PABPC4L: variants seen among roughly 807,000 people sequenced by gnomAD.
PABPC4L encodes the protein poly(A) binding protein cytoplasmic 4 like.
For synonymous variants in PABPC4L, 169 were observed against 164.1 expected, an observed-to-expected ratio of 1.03 and a Z score of -0.23; for missense variants, 452 against 451.4, an observed-to-expected ratio of 1.00 and a Z score of -0.01.
chr4:134,160,860 A>T, the PABPC4L span, among the ~76,000 whole-genome samples: 2 of 151,956 alleles, frequency 1.3e-5, no homozygotes, highest in African/African-American at 4.8e-5. Context: ...AAAAAGTAAA[A>T]TCAAAAAAAT....
the PABPC4L span, among the ~76,000 whole-genome samples, chr4:134,084,289 C>G: frequency 1.3e-5 from 2 of 152,092 alleles, no homozygotes; most frequent in South Asian, 2.1e-4. Flanking sequence ...TCAAGCAATC[C>G]TCCCTCCTCA....
chr4:134,069,315 T>G, the PABPC4L span, among the ~76,000 whole-genome samples: 1 of 152,168 alleles, frequency 6.6e-6, no homozygotes, highest in Admixed American at 6.5e-5. Flanking sequence ...ATGATCATGT[T>G]GTATAGTATC....
At chr4:133,970,553 C>G in the PABPC4L span, among the ~76,000 whole-genome samples, 1 of 152,138 alleles carries the variant, frequency 6.6e-6, no homozygotes, top group African/African-American at 2.4e-5. Context: ...TTATTTTTCC[C>G]TCTTTCTTTC....
the PABPC4L span, among the ~76,000 whole-genome samples, chr4:134,019,128 G>C: frequency 6.6e-6 from 1 of 152,134 alleles, no homozygotes; most frequent in Non-Finnish European, 1.5e-5. Context: ...ATATGGCTTA[G>C]AGGATAATTA....
chr4:134,025,302 T>C, the PABPC4L span, among the ~76,000 whole-genome samples: 7 of 99,300 alleles, frequency 7.0e-5, no homozygotes, highest in African/African-American at 2.9e-4. Flanking sequence ...CGAGAATTCA[T>C]CTCAAAAAAA....
chr4:133,986,543 A>C, the PABPC4L span, among the ~76,000 whole-genome samples: 1 of 152,172 alleles, frequency 6.6e-6, no homozygotes, highest in African/African-American at 2.4e-5. Context: ...AATGTCAATG[A>C]TCTAAACACC....
the PABPC4L span, among the ~76,000 whole-genome samples, chr4:134,122,736 T>A: frequency 6.6e-6 from 1 of 151,878 alleles, no homozygotes; most frequent in Admixed American, 6.6e-5. Flanking sequence ...TGATTATTAA[T>A]ACAAATAAAA....
At chr4:134,124,884 G>A in the PABPC4L span, among the ~76,000 whole-genome samples, 694 of 152,160 alleles carry the variant, frequency 4.6e-3, 9 homozygotes, top group African/African-American at 0.016. Flanking sequence ...GGTACTGATA[G>A]TGAAGGGCTG....
the PABPC4L span, among the ~76,000 whole-genome samples, chr4:134,067,444 G>A: frequency 6.6e-6 from 1 of 151,906 alleles, no homozygotes; most frequent in African/African-American, 2.4e-5. Context: ...CTAGCTAATG[G>A]TCTACCTGTC....
chr4:134,147,144 T>C, the PABPC4L span, among the ~76,000 whole-genome samples: 7 of 152,182 alleles, frequency 4.6e-5, no homozygotes, highest in Non-Finnish European at 7.3e-5. Context: ...TTGGGCTGTT[T>C]ATTTCATTCA....
chr4:134,146,008 G>C, the PABPC4L span, among the ~76,000 whole-genome samples: 3 of 151,906 alleles, frequency 2.0e-5, no homozygotes, highest in African/African-American at 7.2e-5. Flanking sequence ...GGACAAGTCA[G>C]TATCTATCCT....
the PABPC4L span, among the ~76,000 whole-genome samples, chr4:134,161,154 T>G: frequency 6.6e-6 from 1 of 151,508 alleles, no homozygotes; most frequent in African/African-American, 2.4e-5. Flanking sequence ...ACCTTAAAAA[T>G]GCATCAGAGT....
the PABPC4L span, among the ~76,000 whole-genome samples, chr4:134,061,335 A>C: frequency 6.6e-6 from 1 of 152,016 alleles, no homozygotes. Context: ...GGGCTCAAAG[A>C]TACACTCTTA....
chr4:134,193,669 T>C (rs1729576582), downstream of PABPC4L, among the ~76,000 whole-genome samples: 1 of 151,958 alleles, frequency 6.6e-6, no homozygotes, highest in Non-Finnish European at 1.5e-5. Context: ...TAATCTAGTC[T>C]GGTTTGGATG....
At chr4:134,193,141 TA>T (rs1397022383), downstream of PABPC4L, among the ~76,000 whole-genome samples, 2 of 152,082 alleles carry the variant, frequency 1.3e-5, no homozygotes, top group Non-Finnish European at 2.9e-5. Context: ...ATGCACTTTG[TA>T]AGCCAATACC....
At chr4:134,121,783 T>A in the PABPC4L span, among the ~76,000 whole-genome samples, 3 of 151,826 alleles carry the variant, frequency 2.0e-5, no homozygotes, top group Admixed American at 1.3e-4. Flanking sequence ...TCTTTGTGGT[T>A]ACCTTTTCTA....
chr4:134,181,096 A>G, the PABPC4L span, among the ~76,000 whole-genome samples: 1 of 152,018 alleles, frequency 6.6e-6, no homozygotes, highest in African/African-American at 2.4e-5. Flanking sequence ...AATATTCCTC[A>G]TGAACATAAG....
the PABPC4L span, among the ~76,000 whole-genome samples, chr4:134,035,473 A>T: frequency 2.6e-5 from 4 of 152,052 alleles, no homozygotes; most frequent in Non-Finnish European, 4.4e-5. Flanking sequence ...AATTATAAAA[A>T]TTATTAAATC....
chr4:134,023,398 A>G, the PABPC4L span, among the ~76,000 whole-genome samples: 28,273 of 152,034 alleles, frequency 0.19, 3,265 homozygotes, highest in Middle Eastern at 0.26. Flanking sequence ...TTCCTACTCC[A>G]TCATCTTCCC....
Sources: gnomAD v4.1 joint callset for allele counts (sites outside exome capture counted in the v4.1 genomes callset) on GRCh38, gnomAD v4.1.1 for gene constraint, MANE v1.5 for transcripts, NCBI Gene and HGNC (gene_info 2026-07-23, HGNC 2026-07-21) for gene names.